SMG5: variants seen among roughly 807,000 people sequenced by gnomAD.
SMG5 encodes SMG5 nonsense mediated mRNA decay factor.
A neutral mutation model predicts 122.9 loss-of-function variants in SMG5; 53 were observed. The ratio of observed to expected loss-of-function variants is 0.43; its 90% confidence interval spans 0.35 to 0.54. The LOEUF (loss-of-function observed/expected upper bound fraction) is 0.54. Ranked by LOEUF, SMG5 falls within the 20% of genes least tolerant of loss-of-function variation. The pLI, the probability that SMG5 is intolerant of heterozygous loss-of-function variation, is 0.01. For missense variants in SMG5, 1,153 were observed against 1,285.6 expected (o/e 0.90, Z 1.58); for synonymous variants, 477 against 490.2 (o/e 0.97, Z 0.35).
Position 156,260,299 on chromosome 1 carries a change from A to G in SMG5, c.2283+152T>C. The G allele has an allele frequency of 3.2e-6, 3 of 941,394 alleles. No individual in the cohort carries two copies. The South Asian group carries it at 5.0e-5, about 16-fold the overall frequency. The allele number at this position is 941,394 out of a possible 1,614,324, so 58.3% of individuals were successfully genotyped here. A position where few individuals can be genotyped will look rare whatever the true frequency, so the allele number is the denominator to read the frequency against. ...GAAAAAAGCTAAAATGGCTCACTGA[A>G]TGAAGAAGGAAGCACAGCCTGTAGC... On this transcript the variant is annotated intron_variant, in intron 15 of 21. Coordinates refer to ENST00000361813, the MANE Select transcript of SMG5 (RefSeq NM_015327.3).
At chr1:156,269,448 C>G (rs1400207304) in intron 7 of SMG5, among the ~76,000 whole-genome samples, 1 of 152,158 alleles carries the variant, frequency 6.6e-6, no homozygotes. Flanking sequence ...CACACACAGC[C>G]AGGTGCAGTG....
chr1:156,262,845 A>G (rs372920507), intron 13 of SMG5, among the ~76,000 whole-genome samples: 2 of 152,082 alleles, frequency 1.3e-5, no homozygotes, highest in African/African-American at 4.8e-5. Context: ...CATTGAATAA[A>G]TGCCTCTGGG....
rs1214422623 is a variant in SMG5, at chr1:156,261,425, G to A, written c.2032-17C>T. The stretch of plus-strand genomic sequence containing the variant: ...TTGAGAGCTCTGGGGAGAGAGAAGG[G>A]AGAGGAGGCCTTCAGCTAGAGACAG... On this transcript the variant is annotated splice_polypyrimidine_tract_variant and intron_variant, in intron 13 of 21. Coordinates refer to ENST00000361813, the MANE Select transcript of SMG5 (RefSeq NM_015327.3). The A allele has an allele frequency of 1.2e-6, 2 of 1,609,740 alleles. No homozygotes were observed. Among genetic ancestry groups the A allele is most frequent in the African/African-American group, 1.3e-5 (1 of 74,834 alleles).
chr1:156,271,957 T>C (rs903954315), intron 7 of SMG5, among the ~76,000 whole-genome samples: 2 of 152,188 alleles, frequency 1.3e-5, no homozygotes, highest in African/African-American at 4.8e-5. Flanking sequence ...CCCACCCTGC[T>C]GGTCCTTCCA....
chr1:156,252,311 T>G (rs1572570739), intron 19 of SMG5, 103 bp downstream of exon 19: 1 of 974,078 alleles, frequency 1.0e-6, no homozygotes, highest in Admixed American at 1.9e-5. Context: ...TAGAGACGGG[T>G]ATGTATGTGT....
rs774174192 is a variant in SMG5 at position 156,250,391 on chromosome 1, C to A, written c.*196G>T. On this transcript the variant is annotated 3_prime_UTR_variant, in exon 22 of 22. Transcript: ENST00000361813. ...CCAAGCACTTTCCTCGCTTTCCTAACGTCTTGGCAACAAAGGGACCCCACC... is the reference window on the plus strand; with the variant it reads ...CCAAGCACTTTCCTCGCTTTCCTAAAGTCTTGGCAACAAAGGGACCCCACC... 4.9e-6 allele frequency: 3 copies of A among 608,472 alleles called. No individual in the cohort carries two copies. Among genetic ancestry groups the A allele is most frequent in the Admixed American group, 2.9e-5 (1 of 34,812 alleles). The allele number at this position is 608,472 out of a possible 1,614,324, so 37.7% of individuals were successfully genotyped here. A position where few individuals can be genotyped will look rare whatever the true frequency, so the allele number is the denominator to read the frequency against.
intron 13 of SMG5, among the ~76,000 whole-genome samples, chr1:156,262,037 G>A (rs544402945): frequency 6.6e-6 from 1 of 152,212 alleles, no homozygotes; most frequent in East Asian, 1.9e-4. Context: ...ACTGCAGCCT[G>A]GGCAACAGTG....
At chr1:156,286,553 G>C (rs1663169886), upstream of SMG5, 1 of 1,452,076 alleles carries the variant, frequency 6.9e-7, no homozygotes, top group South Asian at 1.2e-5. Context: ...GGAGAGCCAG[G>C]GTCAGGAGCT....
At chr1:156,251,579 G>A in intron 19 of SMG5, 102 bp from the exon 20 acceptor site, 13 of 1,167,344 alleles carry the variant, frequency 1.1e-5, no homozygotes, top group Non-Finnish European at 1.7e-5. Context: ...TTTGCAGGCG[G>A]GGCTGGGGAA....
chr1:156,267,420 A>G, intron 10 of SMG5, 50 bp downstream of exon 10: 1 of 1,567,330 alleles, frequency 6.4e-7, no homozygotes. Context: ...AAGGGGAGTG[A>G]GGATCCCCAA....
chr1:156,279,564 C>A (rs1483146066), intron 1 of SMG5, among the ~76,000 whole-genome samples: 1 of 152,054 alleles, frequency 6.6e-6, no homozygotes, highest in African/African-American at 2.4e-5. Flanking sequence ...TCAATAAAAA[C>A]GAAGATAATA....
At chr1:156,288,810 A>G in the SMG5 span, among the ~76,000 whole-genome samples, 23 of 152,330 alleles carry the variant, frequency 1.5e-4, no homozygotes, top group African/African-American at 5.3e-4. Context: ...AGGTTTTCCC[A>G]AAATAAATAT....
At chr1:156,288,527 A>G in the SMG5 span, among the ~76,000 whole-genome samples, 1 of 151,782 alleles carries the variant, frequency 6.6e-6, no homozygotes, top group Non-Finnish European at 1.5e-5. Flanking sequence ...TAGTAGAGAC[A>G]GGGTTTCAAC....
At chr1:156,261,626 GC>G (rs1661843466) in intron 13 of SMG5, among the ~76,000 whole-genome samples, 2 of 152,144 alleles carry the variant, frequency 1.3e-5, no homozygotes, top group African/African-American at 4.8e-5. Flanking sequence ...GGTGGTTCAT[GC>G]CTATAATCCC....
At position 156,252,522 on chromosome 1, in the gene SMG5, G is replaced by A. The variant is rs1384640921; in HGVS notation, c.2663-18C>T. On this transcript the variant is annotated intron_variant, in intron 18 of 21. Coordinates refer to ENST00000361813, the MANE Select transcript of SMG5 (RefSeq NM_015327.3). ...ATCGATCACTGGTGGGCAAGGTAGG[G>A]AAAGACAAAACAGATAAGCTCAGAC... 3.1e-6 allele frequency: 5 copies of A among 1,613,414 alleles called. No individual in the cohort carries two copies. Among genetic ancestry groups the A allele is most frequent in the Non-Finnish European group, 4.2e-6 (5 of 1,179,562 alleles).
intron 16 of SMG5, among the ~76,000 whole-genome samples, chr1:156,255,384 T>C (rs1277378194): frequency 1.3e-5 from 2 of 149,962 alleles, no homozygotes; most frequent in African/African-American, 4.9e-5. Flanking sequence ...ACTAAAAATA[T>C]AAAAATTAGC....
chr1:156,275,025 T>C (rs932030483), intron 4 of SMG5, among the ~76,000 whole-genome samples: 4 of 150,922 alleles, frequency 2.7e-5, no homozygotes, highest in Non-Finnish European at 4.4e-5. Context: ...CAAGTATGAA[T>C]AGGGTCATGA....
Position 156,250,026 on chromosome 1 carries a change from C to CT in SMG5, c.*560dup. 2.3e-6 allele frequency: 1 copy of CT among 436,954 alleles called. No individual in the cohort carries two copies. The highest frequency in any genetic ancestry group is 2.5e-5 in the Admixed American group (1 of 40,396). 27.1% of individuals were successfully genotyped at this position (436,954 alleles called of 1,614,324 possible). ...GCAGGCCACTCCAGGCCTTGCTTCT[C>CT]TAACAGCCCCTGTGGCTGGCTCCAG... On this transcript the variant is annotated 3_prime_UTR_variant, in exon 22 of 22. Coordinates refer to ENST00000361813, the MANE Select transcript of SMG5 (RefSeq NM_015327.3).
At chr1:156,267,817 G>A (rs1426705518) in intron 9 of SMG5, 139 bp from the exon 10 acceptor site, 2 of 780,390 alleles carry the variant, frequency 2.6e-6, no homozygotes, top group Non-Finnish European at 4.1e-6. Flanking sequence ...GGGTAGTGCT[G>A]GATTGATCTC....
Sources: allele counts gnomAD v4.1 joint callset (sites outside exome capture counted in the v4.1 genomes callset), GRCh38; gene constraint gnomAD v4.1.1; transcripts MANE v1.5; gene names NCBI Gene and HGNC (gene_info 2026-07-23, HGNC 2026-07-21).